The following TAB2 variants were observed in gnomAD, a reference collection of about 807,000 sequenced individuals.
TAB2 encodes TGF-beta-activated kinase 1 and MAP3K7-binding protein 2.
Under a neutral mutation model 65.0 loss-of-function variants are expected in TAB2, and 3 were observed. The observed-to-expected ratio is 0.05, with a 90% CI of 0.02 to 0.12. TAB2 has a LOEUF of 0.12. Ranked by LOEUF, TAB2 falls within the 10% of genes least tolerant of loss-of-function variation. The pLI, the probability that TAB2 is intolerant of heterozygous loss-of-function variation, is 1.00. For synonymous variants in TAB2, 298 were observed against 285.1 expected, an observed-to-expected ratio of 1.05 and a Z score of -0.46; for missense variants, 623 against 840.3, an observed-to-expected ratio of 0.74 and a Z score of 3.20.
At position 149,372,182 on chromosome 6, in the gene TAB2, T is replaced by A. The variant is rs544977286; in HGVS notation, c.102+2083T>A. 1.5e-3 allele frequency among the ~76,000 whole-genome samples: 225 copies of A among 149,176 alleles called. 1 individual carries two copies. In the Middle Eastern group the frequency reaches 0.02, roughly 14 times the overall value. On this transcript the variant is annotated intron_variant, in intron 2 of 6. Coordinates refer to ENST00000637181, the MANE Select transcript of TAB2 (RefSeq NM_001292034.3). ...TTTGTAGAATTACTTTAAAATATTT[T>A]CAAAAAAAAAATAGAGCACTCTAAT...
intron 1 of TAB2, among the ~76,000 whole-genome samples, chr6:149,271,794 A>G (rs545370818): frequency 2.0e-5 from 3 of 152,218 alleles, no homozygotes; most frequent in African/African-American, 7.2e-5. Context: ...ACTCATACTC[A>G]CGGACAACCA....
Position 149,311,075 on chromosome 6 carries a change from AT to A in TAB2, c.-120-66942del, listed in dbSNP as rs1779158840. Among the ~76,000 whole-genome samples, 14 of 152,264 alleles carry A rather than the reference AT, an allele frequency of 9.2e-5. No homozygotes were observed. In the South Asian group the frequency reaches 2.9e-3, roughly 32 times the overall value. ...GGGTAGATCAAGCATAGATCTAATT[AT>A]GATCTAATTACGTTCCATCGTTCAC... On this transcript the variant is annotated intron_variant, in intron 1 of 1. Transcript: ENST00000606202.
intron 6 of TAB2, among the ~76,000 whole-genome samples, chr6:149,405,489 A>G (rs4360154): frequency 0.12 from 18,615 of 152,274 alleles, 1,741 homozygotes; most frequent in East Asian, 0.51. Flanking sequence ...TAGCCAAAAT[A>G]TGAAAACAAC....
chr6:149,298,568 C>T (rs768569016), intron 1 of TAB2, among the ~76,000 whole-genome samples: 13 of 152,092 alleles, frequency 8.5e-5, no homozygotes, highest in East Asian at 7.7e-4. Flanking sequence ...GTCAAGGCTG[C>T]GGTAATCACA....
intron 1 of TAB2, among the ~76,000 whole-genome samples, chr6:149,256,336 T>C (rs955386165): frequency 1.3e-5 from 2 of 152,196 alleles, no homozygotes; most frequent in Non-Finnish European, 2.9e-5. Flanking sequence ...TATACTTGCA[T>C]ATAGAATTTA....
At chr6:149,377,979 C>T (rs974246882) in intron 2 of TAB2, 39 bp from the exon 3 acceptor site, 2 of 1,513,082 alleles carry the variant, frequency 1.3e-6, no homozygotes, top group Non-Finnish European at 9.2e-7. Flanking sequence ...GCATTCGCTT[C>T]TGATTGTTAA....
At chr6:149,349,992 C>T (rs1243779522) in intron 1 of TAB2, among the ~76,000 whole-genome samples, 1 of 152,066 alleles carries the variant, frequency 6.6e-6, no homozygotes, top group Non-Finnish European at 1.5e-5. Context: ...AGTGCAGTGG[C>T]GCAATCTCAG....
intron 1 of TAB2, among the ~76,000 whole-genome samples, chr6:149,290,713 G>T (rs116590274): frequency 0.062 from 9,492 of 152,112 alleles, 730 homozygotes; most frequent in African/African-American, 0.18. Context: ...GGTGGGGTAG[G>T]GCACACCTGT....
At chr6:149,374,088 G>A (rs915460342) in intron 2 of TAB2, among the ~76,000 whole-genome samples, 1 of 152,064 alleles carries the variant, frequency 6.6e-6, no homozygotes, top group Non-Finnish European at 1.5e-5. Flanking sequence ...AGGTTGCTAG[G>A]GACCAAATTT....
intron 1 of TAB2, among the ~76,000 whole-genome samples, chr6:149,331,135 A>G (rs1374654547): frequency 6.6e-6 from 1 of 152,102 alleles, no homozygotes; most frequent in African/African-American, 2.4e-5. Context: ...AGAATCTGTA[A>G]AATGTCAGTT....
At chr6:149,320,705 TA>T (rs886118578) in intron 1 of TAB2, among the ~76,000 whole-genome samples, 2 of 152,186 alleles carry the variant, frequency 1.3e-5, no homozygotes, top group Admixed American at 1.3e-4. Flanking sequence ...AGATCAAGAC[TA>T]AAAGTTTATT....
intron 1 of TAB2, among the ~76,000 whole-genome samples, chr6:149,275,120 C>CTGTTTTT (rs199786561): frequency 2.1e-5 from 2 of 94,688 alleles, no homozygotes; most frequent in Admixed American, 1.2e-4. Flanking sequence ...TTTTTCTCTT[C>CTGTTTTT]TTCTGTTTTT....
intron 1 of TAB2, among the ~76,000 whole-genome samples, chr6:149,331,158 A>T (rs1181216751): frequency 1.3e-5 from 2 of 152,108 alleles, no homozygotes; most frequent in African/African-American, 4.8e-5. Flanking sequence ...GGGGAAATTG[A>T]CATTTTTATT....
chr6:149,291,817 T>A (rs1391234782), intron 1 of TAB2, among the ~76,000 whole-genome samples: 1 of 152,032 alleles, frequency 6.6e-6, no homozygotes, highest in Non-Finnish European at 1.5e-5. Context: ...GCCAAGATCA[T>A]ACCACTGCAC....
chr6:149,235,825 G>A (rs1202869297), intron 1 of TAB2, among the ~76,000 whole-genome samples: 1 of 152,222 alleles, frequency 6.6e-6, no homozygotes, highest in African/African-American at 2.4e-5. Context: ...CCAGGGAAAT[G>A]AGAAGAAGAG....
intron 1 of TAB2, among the ~76,000 whole-genome samples, chr6:149,261,856 G>A (rs1688373352): frequency 6.6e-6 from 1 of 152,126 alleles, no homozygotes. Flanking sequence ...GTGCAACTCA[G>A]GCTAATTTAC....
chr6:149,270,441 T>C (rs1198394867), intron 1 of TAB2, among the ~76,000 whole-genome samples: 3 of 152,166 alleles, frequency 2.0e-5, no homozygotes, highest in Non-Finnish European at 2.9e-5. Context: ...ATCTATTGTA[T>C]AGCACGATGA....
At chr6:149,385,654 T>C (rs1380435212) in intron 3 of TAB2, among the ~76,000 whole-genome samples, 1 of 152,198 alleles carries the variant, frequency 6.6e-6, no homozygotes, top group African/African-American at 2.4e-5. Context: ...GAAGAGACTT[T>C]AAAGGGCATG....
chr6:149,379,555 C>T, intron 3 of TAB2, 37 bp downstream of exon 3: 1 of 1,602,644 alleles, frequency 6.2e-7, no homozygotes, highest in Admixed American at 1.7e-5. Flanking sequence ...GTTTTCCATG[C>T]TGGGCTTGTT....
Sources: gnomAD v4.1 joint callset for allele counts (sites outside exome capture counted in the v4.1 genomes callset) on GRCh38, gnomAD v4.1.1 for gene constraint, MANE v1.5 for transcripts, NCBI Gene and HGNC (gene_info 2026-07-23, HGNC 2026-07-21) for gene names.